The following GABRG3 variants were observed in gnomAD, a reference collection of about 807,000 sequenced individuals.
GABRG3 encodes gamma-aminobutyric acid receptor subunit gamma-3.
A neutral mutation model predicts 48.8 loss-of-function variants in GABRG3; 25 were observed. The observed-to-expected ratio is 0.51, with a 90% confidence interval of 0.37 to 0.72. The LOEUF is 0.72. GABRG3 is among the 30% of genes least tolerant of loss of function. The pLI, the probability that GABRG3 is intolerant of heterozygous loss-of-function variation, is 0.00. For synonymous variants in GABRG3, 227 were observed against 217.6 expected (o/e 1.04, Z -0.38); for missense variants, 394 against 577.9 (o/e 0.68, Z 3.26).
At chr15:27,117,119 C>T (rs539670272) in intron 3 of GABRG3, among the ~76,000 whole-genome samples, 8 of 152,334 alleles carry the variant, frequency 5.3e-5, no homozygotes, top group African/African-American at 1.9e-4. Context: ...AGCTCAAGGT[C>T]ACAAAGCTAA....
intron 5 of GABRG3, among the ~76,000 whole-genome samples, chr15:27,443,240 A>G (rs2140634688): frequency 6.6e-6 from 1 of 152,336 alleles, no homozygotes; most frequent in African/African-American, 2.4e-5. Flanking sequence ...CTTCAAGCCA[A>G]GGGGAGAGGC....
intron 5 of GABRG3, among the ~76,000 whole-genome samples, chr15:27,456,205 C>A (rs940702354): frequency 1.3e-5 from 2 of 152,194 alleles, no homozygotes. Flanking sequence ...TGGGCTGTCA[C>A]ATCTACTGCC....
chr15:27,375,731 C>G (rs1040245373), intron 5 of GABRG3, among the ~76,000 whole-genome samples: 20 of 152,240 alleles, frequency 1.3e-4, no homozygotes, highest in African/African-American at 4.6e-4. Flanking sequence ...GAAAGATCTG[C>G]CCCCATGATT....
chr15:27,380,805 G>C (rs374194933), intron 5 of GABRG3, among the ~76,000 whole-genome samples: 3 of 140,850 alleles, frequency 2.1e-5, no homozygotes, highest in East Asian at 2.2e-4. Context: ...TCACTCTGTT[G>C]CCCAGGCTGG....
rs758641011 is a variant in GABRG3, at chr15:27,328,912, G to T, written c.574+24G>T. On this transcript the variant is annotated intron_variant, in intron 5 of 9. Coordinates refer to ENST00000615808, the MANE Select transcript of GABRG3 (RefSeq NM_033223.5). ...CTGTGAGTACCAGTCCAAGCCCGGGGTGTGCATGCTGTGTGAGGGATGCCT... is the reference window on the plus strand; with the variant it reads ...CTGTGAGTACCAGTCCAAGCCCGGGTTGTGCATGCTGTGTGAGGGATGCCT... The T allele has an allele frequency of 2.5e-6, 4 of 1,599,076 alleles. No homozygotes were observed. The South Asian group carries it at 4.4e-5, about 18-fold the overall frequency.
intron 3 of GABRG3, among the ~76,000 whole-genome samples, chr15:27,218,650 G>A (rs1016741044): frequency 3.9e-5 from 6 of 152,128 alleles, no homozygotes; most frequent in African/African-American, 1.2e-4. Context: ...TGCTGAGGCC[G>A]AGCTCTGAGA....
At chr15:26,973,483 A>T (rs1174044614) in intron 1 of GABRG3, among the ~76,000 whole-genome samples, 1 of 152,238 alleles carries the variant, frequency 6.6e-6, no homozygotes, top group Non-Finnish European at 1.5e-5. Flanking sequence ...ATGTGAAATA[A>T]TCTGATGTGC....
At chr15:27,052,877 G>A (rs1237211062) in intron 3 of GABRG3, among the ~76,000 whole-genome samples, 2 of 152,168 alleles carry the variant, frequency 1.3e-5, no homozygotes, top group Non-Finnish European at 2.9e-5. Context: ...GCAACCAGAT[G>A]ATCTTTGATA....
At chr15:27,231,367 G>C (rs993925263) in intron 3 of GABRG3, among the ~76,000 whole-genome samples, 3 of 152,202 alleles carry the variant, frequency 2.0e-5, no homozygotes, top group African/African-American at 7.2e-5. Context: ...GACTTTGCAG[G>C]CTGCTGGAGC....
chr15:27,125,645 T>G (rs1897807196), intron 3 of GABRG3, among the ~76,000 whole-genome samples: 12 of 152,228 alleles, frequency 7.9e-5, no homozygotes, highest in Admixed American at 5.9e-4. Context: ...AAATAAGATA[T>G]TAGCATTGTT....
intron 3 of GABRG3, among the ~76,000 whole-genome samples, chr15:27,097,135 A>G (rs1006526723): frequency 4.6e-5 from 7 of 151,676 alleles, no homozygotes; most frequent in African/African-American, 1.7e-4. Context: ...TACAGGTGTG[A>G]GCCACCGCGC....
At chr15:27,165,279 G>A (rs1887336092) in intron 3 of GABRG3, among the ~76,000 whole-genome samples, 1 of 152,108 alleles carries the variant, frequency 6.6e-6, no homozygotes, top group South Asian at 2.1e-4. Flanking sequence ...TCCAGCATTG[G>A]GCAGTGCTGG....
At chr15:27,460,140 A>C (rs989487184) in intron 5 of GABRG3, among the ~76,000 whole-genome samples, 2 of 152,248 alleles carry the variant, frequency 1.3e-5, no homozygotes. Context: ...TAATAGTATT[A>C]TAACCGGAAG....
At chr15:27,100,942 A>G (rs149870144) in intron 3 of GABRG3, among the ~76,000 whole-genome samples, 5 of 152,310 alleles carry the variant, frequency 3.3e-5, no homozygotes, top group African/African-American at 7.2e-5. Flanking sequence ...GTCATTTTCA[A>G]TGTCGCACTG....
chr15:27,238,976 A>G lies in GABRG3; in HGVS notation c.271-87833A>G, dbSNP rs79101439. ...ATTTGGCATGCGGAAGTGTCAACCT[A>G]AATAACAGAGCGAGTCTCTCTAAAA... On this transcript the variant is annotated intron_variant, in intron 3 of 9. Coordinates refer to ENST00000615808, the MANE Select transcript of GABRG3 (RefSeq NM_033223.5). 9.9e-3 allele frequency among the ~76,000 whole-genome samples: 1,504 copies of G among 152,308 alleles called. 33 individuals are homozygous for G. Among genetic ancestry groups the G allele is most frequent in the African/African-American group, 0.035 (1,437 of 41,558 alleles).
chr15:27,187,298 C>T (rs937037621), intron 3 of GABRG3, among the ~76,000 whole-genome samples: 1 of 152,102 alleles, frequency 6.6e-6, no homozygotes, highest in Non-Finnish European at 1.5e-5. Flanking sequence ...TGTTTTCATA[C>T]CAGTACCATG....
At chr15:27,111,114 T>C (rs1897540785) in intron 3 of GABRG3, among the ~76,000 whole-genome samples, 1 of 152,202 alleles carries the variant, frequency 6.6e-6, no homozygotes, top group Admixed American at 6.5e-5. Flanking sequence ...CTGTTTCAGT[T>C]TGTGCAGTTT....
At chr15:27,322,977 A>T (rs1048907962) in intron 3 of GABRG3, among the ~76,000 whole-genome samples, 17 of 152,070 alleles carry the variant, frequency 1.1e-4, no homozygotes, top group Non-Finnish European at 2.5e-4. Context: ...CCTGGGAGGG[A>T]TGCTAGAACA....
chr15:27,252,511 G>A (rs1291203720), intron 3 of GABRG3, among the ~76,000 whole-genome samples: 1 of 152,172 alleles, frequency 6.6e-6, no homozygotes, highest in Non-Finnish European at 1.5e-5. Flanking sequence ...TGATGCATCC[G>A]CCCCACCCCA....
Sources: allele counts gnomAD v4.1 joint callset (sites outside exome capture counted in the v4.1 genomes callset), GRCh38; gene constraint gnomAD v4.1.1; transcripts MANE v1.5; gene names NCBI Gene and HGNC (gene_info 2026-07-23, HGNC 2026-07-21).